The following ILRUN variants were observed in gnomAD, a reference collection of about 807,000 sequenced individuals.
ILRUN encodes the protein inflammation and lipid regulator with UBA-like and NBR1-like domains.
In ILRUN, 3 loss-of-function variants were observed where a neutral mutation model predicts 33.8. The ratio of observed to expected loss-of-function variants is 0.09; its 90% confidence interval spans 0.04 to 0.23. The LOEUF (loss-of-function observed/expected upper bound fraction) is 0.23, where lower values mean the gene tolerates loss of function less well. Ranked by LOEUF, ILRUN falls within the 10% of genes least tolerant of loss-of-function variation. The probability of loss-of-function intolerance (pLI) is 1.00; values close to 1 mark genes in which losing one functional copy is unlikely to be tolerated. For missense variants in ILRUN, 210 were observed against 375.1 expected (o/e 0.56, Z 3.64); for synonymous variants, 124 against 138.9 (o/e 0.89, Z 0.75).
At chr6:34,597,993 A>G (rs1165055347) in intron 4 of ILRUN, among the ~76,000 whole-genome samples, 1 of 152,164 alleles carries the variant, frequency 6.6e-6, no homozygotes, top group Non-Finnish European at 1.5e-5. Flanking sequence ...TTATCACTTA[A>G]AAGTCAACTA....
chr6:34,670,710 G>A (rs1049579676), intron 1 of ILRUN, among the ~76,000 whole-genome samples: 6 of 151,604 alleles, frequency 4.0e-5, no homozygotes, highest in African/African-American at 1.2e-4. Context: ...ACAAAACTTA[G>A]CCAGGTGTGG....
At chr6:34,692,748 T>C (rs899106957) in intron 1 of ILRUN, among the ~76,000 whole-genome samples, 5 of 152,162 alleles carry the variant, frequency 3.3e-5, no homozygotes, top group African/African-American at 1.2e-4. Flanking sequence ...GGCAACATAG[T>C]GCGACCCATC....
intron 1 of ILRUN, among the ~76,000 whole-genome samples, chr6:34,687,788 T>C (rs1763556324): frequency 6.6e-6 from 1 of 150,934 alleles, no homozygotes; most frequent in South Asian, 2.1e-4. Flanking sequence ...TAACAAGTGT[T>C]GGCAAAGATG....
At chr6:34,683,419 C>CATATAT (rs1160051318) in intron 1 of ILRUN, among the ~76,000 whole-genome samples, 4 of 78,602 alleles carry the variant, frequency 5.1e-5, no homozygotes, top group African/African-American at 2.9e-4. Flanking sequence ...TATATATATA[C>CATATAT]ATATATATAC....
intron 1 of ILRUN, among the ~76,000 whole-genome samples, chr6:34,681,496 G>A (rs1355218925): frequency 6.6e-6 from 1 of 152,166 alleles, no homozygotes; most frequent in Non-Finnish European, 1.5e-5. Context: ...GGGTGTGGCG[G>A]CTCATGCCTG....
chr6:34,642,825 CAAAAAAAAAAAAA>C lies in ILRUN; in HGVS notation c.511+3763_511+3775del, dbSNP rs57866309. Among the ~76,000 whole-genome samples, 85 of 42,998 alleles carry C rather than the reference CAAAAAAAAAAAAA, an allele frequency of 2.0e-3. 3 individuals carry two copies. The East Asian group carries it at 0.06, about 30-fold the overall frequency. 28.2% of individuals were successfully genotyped at this position (42,998 alleles called of 152,430 possible). On this transcript the variant is annotated intron_variant, in intron 3 of 4. Transcript: ENST00000374023. The stretch of plus-strand genomic sequence containing the variant: ...CAACATAGGGAGGTCCCGTCTCTAC[CAAAAAAAAAAAAA>C]AAAAAAAAAAAAGGCATGATGGCAC...
intron 3 of ILRUN, among the ~76,000 whole-genome samples, chr6:34,645,687 T>C (rs1762551493): frequency 6.6e-6 from 1 of 152,176 alleles, no homozygotes; most frequent in Non-Finnish European, 1.5e-5. Flanking sequence ...AAATTGTGTC[T>C]GGGAGATGTT....
At chr6:34,604,655 A>G (rs1761587338) in intron 4 of ILRUN, among the ~76,000 whole-genome samples, 1 of 152,248 alleles carries the variant, frequency 6.6e-6, no homozygotes, top group African/African-American at 2.4e-5. Context: ...GGTTAAATTC[A>G]AGAAAAAATA....
intron 1 of ILRUN, among the ~76,000 whole-genome samples, chr6:34,683,453 C>CATATATATATACATATATATATACAT (rs1451602188): frequency 1.0e-5 from 1 of 96,616 alleles, no homozygotes; most frequent in Non-Finnish European, 2.0e-5. Flanking sequence ...TATATATATA[C>CATATATATATACATATATATATACAT]ATATATATAC....
At chr6:34,590,662 C>A in intron 4 of ILRUN, 62 bp from the exon 5 acceptor site, 1 of 1,190,436 alleles carries the variant, frequency 8.4e-7, no homozygotes, top group Non-Finnish European at 1.3e-6. Context: ...ACAACCAAAC[C>A]AAGTGCAAGA....
At chr6:34,632,927 G>A (rs1163756222) in intron 3 of ILRUN, among the ~76,000 whole-genome samples, 4 of 152,142 alleles carry the variant, frequency 2.6e-5, no homozygotes, top group Non-Finnish European at 5.9e-5. Flanking sequence ...ATAATAAAGT[G>A]GTAAAACTAA....
chr6:34,688,026 C>A (rs892506203), intron 1 of ILRUN, among the ~76,000 whole-genome samples: 1 of 151,436 alleles, frequency 6.6e-6, no homozygotes, highest in Admixed American at 6.6e-5. Context: ...AGAAACACCC[C>A]AAATGTCTAC....
chr6:34,605,239 G>C (rs900705811), intron 4 of ILRUN, among the ~76,000 whole-genome samples: 3 of 149,258 alleles, frequency 2.0e-5, no homozygotes, highest in Non-Finnish European at 4.4e-5. Flanking sequence ...CCGGGAGGCA[G>C]AGGTTGCAGT....
intron 3 of ILRUN, 22 bp from the exon 4 acceptor site, chr6:34,606,926 T>C (rs749535340): frequency 1.2e-5 from 19 of 1,579,166 alleles, no homozygotes; most frequent in Admixed American, 3.4e-5. Context: ...AGGTAACTCA[T>C]TTCAATGCCA....
At chr6:34,654,543 C>T (rs1238006496) in intron 2 of ILRUN, 82 bp downstream of exon 2, 6 of 1,414,700 alleles carry the variant, frequency 4.2e-6, no homozygotes, top group Non-Finnish European at 5.7e-6. Context: ...CAATCACATA[C>T]ATAAGCTAAA....
chr6:34,675,347 T>G (rs80155478), intron 1 of ILRUN, among the ~76,000 whole-genome samples: 43 of 152,202 alleles, frequency 2.8e-4, no homozygotes, highest in African/African-American at 9.9e-4. Context: ...TATAAGCATT[T>G]GATATATGAT....
chr6:34,617,700 C>T (rs763592996), intron 3 of ILRUN, among the ~76,000 whole-genome samples: 72 of 152,310 alleles, frequency 4.7e-4, no homozygotes, highest in Non-Finnish European at 7.9e-4. Context: ...ACTGAAACTC[C>T]GCATCCCTAC....
intron 1 of ILRUN, among the ~76,000 whole-genome samples, chr6:34,675,103 A>T (rs1406521139): frequency 2.6e-5 from 4 of 152,168 alleles, no homozygotes; most frequent in Non-Finnish European, 5.9e-5. Context: ...TAACATGGTG[A>T]AACTCTGTCT....
At chr6:34,680,598 G>A (rs1763338413) in intron 1 of ILRUN, among the ~76,000 whole-genome samples, 1 of 151,944 alleles carries the variant, frequency 6.6e-6, no homozygotes, top group Non-Finnish European at 1.5e-5. Flanking sequence ...CTGAGTAGCT[G>A]GGATTACAGG....
Sources: allele counts gnomAD v4.1 joint callset (sites outside exome capture counted in the v4.1 genomes callset), GRCh38; gene constraint gnomAD v4.1.1; transcripts MANE v1.5; gene names NCBI Gene and HGNC (gene_info 2026-07-23, HGNC 2026-07-21).